Variants in RANBP17 observed in about 807,000 individuals in gnomAD.
RANBP17 encodes ran-binding protein 17.
In RANBP17, 158 loss-of-function variants were observed where a neutral mutation model predicts 141.2. The observed-to-expected ratio is 1.12, with a 90% CI of 0.98 to 1.28. The LOEUF is 1.28. Among genes scored for constraint, RANBP17 ranks in the 50% most tolerant of loss-of-function variants. RANBP17 has a pLI of 0.00. For synonymous variants in RANBP17, 430 were observed against 450.0 expected, an observed-to-expected ratio of 0.96 and a Z score of 0.56; for missense variants, 1,438 against 1,290.7, an observed-to-expected ratio of 1.11 and a Z score of -1.75.
At chr5:171,189,313 A>G (rs1761475406) in intron 18 of RANBP17, among the ~76,000 whole-genome samples, 1 of 152,244 alleles carries the variant, frequency 6.6e-6, no homozygotes, top group South Asian at 2.1e-4. Context: ...TGTATGTGAT[A>G]AGCATCAAGT....
At chr5:171,088,511 C>T (rs1005425818) in intron 14 of RANBP17, among the ~76,000 whole-genome samples, 1 of 152,138 alleles carries the variant, frequency 6.6e-6, no homozygotes, top group Non-Finnish European at 1.5e-5. Flanking sequence ...TGTTGGCCTG[C>T]CTTGCTAGAT....
chr5:171,200,540 T>C (rs1309680535), intron 19 of RANBP17, among the ~76,000 whole-genome samples: 1 of 152,156 alleles, frequency 6.6e-6, no homozygotes, highest in Non-Finnish European at 1.5e-5. Flanking sequence ...TTAAATAAAT[T>C]GACACTGATT....
chr5:170,866,309 A>C (rs1328042110), intron 1 of RANBP17, among the ~76,000 whole-genome samples: 1 of 144,440 alleles, frequency 6.9e-6, no homozygotes, highest in Non-Finnish European at 1.5e-5. Flanking sequence ...GACTAAGGAG[A>C]GGGGGAAGCA....
At chr5:171,261,903 T>A (rs780663605) in intron 24 of RANBP17, among the ~76,000 whole-genome samples, 17 of 152,218 alleles carry the variant, frequency 1.1e-4, no homozygotes, top group Non-Finnish European at 1.2e-4. Context: ...TTTGACCAAA[T>A]GCCCTGTGAT....
chr5:170,877,261 A>G (rs994001126), intron 1 of RANBP17, among the ~76,000 whole-genome samples: 1 of 151,540 alleles, frequency 6.6e-6, no homozygotes, highest in African/African-American at 2.4e-5. Context: ...TCAACATATA[A>G]TAAAAATAAT....
chr5:170,938,582 C>T (rs4867641), intron 12 of RANBP17, among the ~76,000 whole-genome samples: 93,097 of 151,964 alleles, frequency 0.61, 29,885 homozygotes, highest in South Asian at 0.89. Flanking sequence ...AAAATAGAAT[C>T]ACAAATGAGC....
At chr5:171,110,822 G>A (rs1235063165) in intron 14 of RANBP17, among the ~76,000 whole-genome samples, 1 of 151,410 alleles carries the variant, frequency 6.6e-6, no homozygotes, top group African/African-American at 2.4e-5. Flanking sequence ...TCTCTACCTG[G>A]ACTCCCCTCT....
At chr5:171,186,654 A>T (rs1161179451) in intron 18 of RANBP17, among the ~76,000 whole-genome samples, 2 of 136,542 alleles carry the variant, frequency 1.5e-5, no homozygotes, top group African/African-American at 5.6e-5. Context: ...CTCCTGCCTC[A>T]GCCTCCCAAG....
In RANBP17 at chr5:170,931,746, A is replaced by G. The variant is rs113685192; in HGVS notation, c.1468+7196A>G. ...GTGTGGTGTTATTTCTGAGGGCTCT[A>G]TTCTGTTCCATTGGTCTATATCTCT... On this transcript the variant is annotated intron_variant, in intron 12 of 27. Coordinates refer to ENST00000523189, the MANE Select transcript of RANBP17 (RefSeq NM_022897.5). Among the ~76,000 whole-genome samples the G allele has an allele frequency of 4.6e-5, 7 of 152,092 alleles. No individual in the cohort carries two copies. In the East Asian group the frequency reaches 7.7e-4, roughly 17 times the overall value.
At chr5:171,208,029 A>G (rs1345396617) in intron 20 of RANBP17, 1 of 152,216 alleles carries the variant, frequency 6.6e-6, no homozygotes, top group African/African-American at 2.4e-5. Context: ...TTGATATGTC[A>G]AACCGTCAGT....
chr5:171,133,738 A>G (rs548233142), intron 14 of RANBP17, among the ~76,000 whole-genome samples: 1 of 152,356 alleles, frequency 6.6e-6, no homozygotes, highest in Admixed American at 6.5e-5. Flanking sequence ...TTGTGCTTAA[A>G]TGTATGACCA....
At chr5:171,131,851 ATTCTT>A (rs1406529015) in intron 14 of RANBP17, among the ~76,000 whole-genome samples, 1 of 152,212 alleles carries the variant, frequency 6.6e-6, no homozygotes. Context: ...TTTGTACTGC[ATTCTT>A]TTCATTTGGC....
intron 14 of RANBP17, among the ~76,000 whole-genome samples, chr5:171,089,965 G>T (rs189003672): frequency 2.0e-5 from 3 of 152,202 alleles, no homozygotes; most frequent in Non-Finnish European, 2.9e-5. Flanking sequence ...GTTCCTGTTC[G>T]GCCATCTTCG....
chr5:171,202,955 G>A (rs544115004), intron 19 of RANBP17, among the ~76,000 whole-genome samples: 34 of 152,290 alleles, frequency 2.2e-4, no homozygotes, highest in Admixed American at 5.2e-4. Flanking sequence ...GGGTCAGGGT[G>A]GAAGGAGCCT....
intron 14 of RANBP17, among the ~76,000 whole-genome samples, chr5:171,136,855 G>A (rs529209858): frequency 1.1e-4 from 16 of 152,176 alleles, no homozygotes; most frequent in South Asian, 6.2e-4. Flanking sequence ...AAGCTGTATC[G>A]TTTGAGTGGT....
chr5:170,878,329 TGATA>T, intron 2 of RANBP17, 86 bp downstream of exon 2: 1 of 1,101,704 alleles, frequency 9.1e-7, no homozygotes, highest in Non-Finnish European at 1.2e-6. Flanking sequence ...CAATGGTAAC[TGATA>T]GATATTGCCA....
At chr5:171,136,211 G>T (rs540240686) in intron 14 of RANBP17, among the ~76,000 whole-genome samples, 1 of 152,050 alleles carries the variant, frequency 6.6e-6, no homozygotes. Flanking sequence ...TTGTATAAGG[G>T]TATTTTCACA....
Position 170,900,290 on chromosome 5 carries a change from T to G in RANBP17, c.489+4175T>G, listed in dbSNP as rs150291847. Among the ~76,000 whole-genome samples, 1,142 of 152,334 alleles carry G rather than the reference T, an allele frequency of 7.5e-3. 8 individuals carry two copies. The highest frequency in any genetic ancestry group is 0.013 in the Non-Finnish European group (910 of 68,034). On this transcript the variant is annotated intron_variant, in intron 5 of 27. Transcript: ENST00000523189. ...ATCCATTTCTTCTAGATTTTCTAGT[T>G]TATTTGCATAGAGGTGTTTATAGTA...
chr5:170,906,045 A>T (rs985460948), intron 5 of RANBP17, among the ~76,000 whole-genome samples: 2 of 152,076 alleles, frequency 1.3e-5, no homozygotes, highest in Middle Eastern at 3.2e-3. Context: ...CTAAGTTGCT[A>T]ACATAATTCT....
Sources: gnomAD v4.1 joint callset for allele counts (sites outside exome capture counted in the v4.1 genomes callset) on GRCh38, gnomAD v4.1.1 for gene constraint, MANE v1.5 for transcripts, NCBI Gene and HGNC (gene_info 2026-07-23, HGNC 2026-07-21) for gene names.